The following TRAF3 variants were observed in gnomAD, a reference collection of about 807,000 sequenced individuals.
TRAF3 encodes TNF receptor-associated factor 3.
A neutral mutation model predicts 62.3 loss-of-function variants in TRAF3; 13 were observed. That is an observed-to-expected ratio of 0.21 (90% CI 0.14 to 0.33). TRAF3 has a LOEUF of 0.33. TRAF3 is among the 10% of genes least tolerant of loss of function. The pLI, the probability that TRAF3 is intolerant of heterozygous loss-of-function variation, is 1.00. For synonymous variants in TRAF3, 269 were observed against 283.4 expected (o/e 0.95, Z 0.51); for missense variants, 440 against 741.8 (o/e 0.59, Z 4.73).
intron 4 of TRAF3, among the ~76,000 whole-genome samples, chr14:102,875,229 C>G (rs1349887137): frequency 6.6e-6 from 1 of 152,206 alleles, no homozygotes; most frequent in African/African-American, 2.4e-5. Flanking sequence ...GTGACAGCTG[C>G]ACCATAATGG....
Position 102,905,663 on chromosome 14 carries a change from A to C in TRAF3, c.1586A>C (p.Asn529Thr). 6.2e-7 allele frequency: 1 copy of C among 1,613,348 alleles called. No individual in the cohort carries two copies. Among genetic ancestry groups the C allele is most frequent in the Admixed American group, 1.7e-5 (1 of 60,018 alleles). Reference protein sequence around the residue: ...SSFKKPTGEMNIASGCPVFVA... With the variant: ...SSFKKPTGEMTIASGCPVFVA... The stretch of plus-strand genomic sequence containing the variant: ...TTCAAGAAGCCCACTGGAGAGATGA[A>C]TATCGCCTCTGGCTGCCCAGTCTTT... The change falls in exon 12 of 12, where the codon AAT becomes ACT. Residue 529 changes from asparagine to threonine, a missense_variant. Asn to Thr is a moderately conservative substitution (Grantham distance 65, BLOSUM62 0). This residue lies in a region of TRAF3 where 59 missense variants were observed against 120.9 expected (regional missense o/e 0.49). Transcript: ENST00000392745.
chr14:102,890,552 T>C (rs983238446), intron 8 of TRAF3, among the ~76,000 whole-genome samples: 4 of 152,346 alleles, frequency 2.6e-5, no homozygotes, highest in African/African-American at 9.6e-5. Flanking sequence ...ATTGCAACAC[T>C]TATATCAACA....
chr14:102,834,465 G>A (rs531329895), intron 2 of TRAF3, among the ~76,000 whole-genome samples: 7 of 151,896 alleles, frequency 4.6e-5, no homozygotes, highest in African/African-American at 1.4e-4. Context: ...TTGGGAGGCC[G>A]AGGTGGGTGG....
Position 102,828,031 on chromosome 14 carries a change from C to G in TRAF3, c.-156-2303C>G, listed in dbSNP as rs138413209. 5.3e-5 allele frequency among the ~76,000 whole-genome samples: 8 copies of G among 152,364 alleles called. No individual in the cohort carries two copies. The East Asian group carries it at 1.3e-3, about 26-fold the overall frequency. On this transcript the variant is annotated intron_variant, in intron 1 of 11. Transcript: ENST00000392745. ...TGAGCCCGGAGAGGGGGCGTCGTAG[C>G]GCACAGCGCACTCGTTTCCGCATTC...
intron 2 of TRAF3, among the ~76,000 whole-genome samples, chr14:102,833,575 A>C (rs968973877): frequency 6.6e-6 from 1 of 152,220 alleles, no homozygotes; most frequent in Non-Finnish European, 1.5e-5. Context: ...AGAATGAGGT[A>C]GTTTGGAAAC....
At chr14:102,855,012 A>G (rs1595365401) in intron 2 of TRAF3, among the ~76,000 whole-genome samples, 1 of 152,122 alleles carries the variant, frequency 6.6e-6, no homozygotes, top group Admixed American at 6.5e-5. Context: ...CCTCCTTTCA[A>G]CCACTGGTAA....
chr14:102,898,505 G>A (rs1890115404), intron 10 of TRAF3, among the ~76,000 whole-genome samples: 1 of 152,226 alleles, frequency 6.6e-6, no homozygotes, highest in Non-Finnish European at 1.5e-5. Context: ...CCATCCTGTG[G>A]CCCGCCTGCA....
At chr14:102,859,486 T>G (rs1350906530) in intron 2 of TRAF3, among the ~76,000 whole-genome samples, 1 of 152,248 alleles carries the variant, frequency 6.6e-6, no homozygotes, top group Non-Finnish European at 1.5e-5. Context: ...ACCTAGAATC[T>G]AATGGCTGTA....
At chr14:102,875,595 C>A in intron 4 of TRAF3, 29 bp from the exon 5 acceptor site, 1 of 1,574,802 alleles carries the variant, frequency 6.3e-7, no homozygotes, top group South Asian at 1.1e-5. Context: ...AAATATTAAT[C>A]CTCCAAAATA....
At chr14:102,802,518 A>G (rs183238957) in intron 1 of TRAF3, among the ~76,000 whole-genome samples, 2 of 148,174 alleles carry the variant, frequency 1.3e-5, no homozygotes, top group South Asian at 2.2e-4. Flanking sequence ...TATTAGTCCA[A>G]TTTCACGCTG....
chr14:102,877,825 C>T, intron 6 of TRAF3, among the ~76,000 whole-genome samples: 1 of 142,034 alleles, frequency 7.0e-6, no homozygotes, highest in Non-Finnish European at 1.5e-5. Context: ...TAGGTAATCC[C>T]TTCCGCAGGC....
chr14:102,836,982 G>A (rs143319476), intron 2 of TRAF3, among the ~76,000 whole-genome samples: 5 of 152,144 alleles, frequency 3.3e-5, no homozygotes, highest in East Asian at 1.9e-4. Flanking sequence ...ACAGAGTAGC[G>A]CAGCACAGTC....
At chr14:102,894,885 A>G (rs531761877) in intron 9 of TRAF3, among the ~76,000 whole-genome samples, 1 of 152,048 alleles carries the variant, frequency 6.6e-6, no homozygotes, top group South Asian at 2.1e-4. Flanking sequence ...TTTTGTAGAG[A>G]TGGAGTTTCG....
At chr14:102,874,800 A>G (rs1314524512) in intron 4 of TRAF3, among the ~76,000 whole-genome samples, 1 of 152,018 alleles carries the variant, frequency 6.6e-6, no homozygotes. Context: ...GCAGGCGCAT[A>G]TGCTGCCTTG....
At chr14:102,785,009 C>T (rs1470812023) in intron 1 of TRAF3, among the ~76,000 whole-genome samples, 1 of 152,152 alleles carries the variant, frequency 6.6e-6, no homozygotes, top group East Asian at 1.9e-4. Context: ...GAATTCTCCC[C>T]ATTTTGCAGA....
intron 2 of TRAF3, among the ~76,000 whole-genome samples, chr14:102,867,593 T>C (rs375817942): frequency 2.0e-5 from 3 of 152,092 alleles, no homozygotes; most frequent in Middle Eastern, 6.8e-3. Context: ...TGGGTGGGCC[T>C]AGGGGAACGT....
chr14:102,872,064 CTCTCAGTTT>C, intron 4 of TRAF3, 96 bp downstream of exon 4: 1 of 1,355,112 alleles, frequency 7.4e-7, no homozygotes, highest in Non-Finnish European at 1.1e-6. Flanking sequence ...ACAACACATT[CTCTCAGTTT>C]TGGCAGCTGA....
rs1271658743 is a variant in TRAF3, at chr14:102,833,952, G to A, written c.-18+3480G>A. ...TGCAGTGAGCCAAGATTGCGCCACT[G>A]CACTCCAGCCTGGGCAACAAAGCTA... is the stretch of plus-strand genomic sequence containing the variant. On this transcript the variant is annotated intron_variant, in intron 2 of 11. Coordinates refer to ENST00000392745, the MANE Select transcript of TRAF3 (RefSeq NM_145725.3). Among the ~76,000 whole-genome samples, 3 of 149,314 alleles carry A rather than the reference G, an allele frequency of 2.0e-5. No individual in the cohort carries two copies. The Admixed American group carries it at 2.0e-4, about 10-fold the overall frequency.
intron 1 of TRAF3, among the ~76,000 whole-genome samples, chr14:102,804,933 G>GA (rs1407021079): frequency 6.6e-6 from 1 of 152,134 alleles, no homozygotes; most frequent in Non-Finnish European, 1.5e-5. Flanking sequence ...CTCCAGGACA[G>GA]AAAAAATGCC....
Sources: allele counts gnomAD v4.1 joint callset (sites outside exome capture counted in the v4.1 genomes callset), GRCh38; gene constraint gnomAD v4.1.1; regional missense constraint gnomAD v4.1.1; transcripts MANE v1.5; gene names NCBI Gene and HGNC (gene_info 2026-07-23, HGNC 2026-07-21).